The following KCNIP4 variants were observed in gnomAD, a reference collection of about 807,000 sequenced individuals.
The protein encoded by KCNIP4 is Kv channel-interacting protein 4.
A neutral mutation model predicts 34.0 loss-of-function variants in KCNIP4; 12 were observed. The ratio of observed to expected loss-of-function variants is 0.35; its 90% CI spans 0.23 to 0.57. The LOEUF is 0.57. Ranked by LOEUF, KCNIP4 falls within the 20% of genes least tolerant of loss-of-function variation. The pLI is 0.83. For synonymous variants in KCNIP4, 124 were observed against 102.2 expected (o/e 1.21, Z -1.29); for missense variants, 238 against 311.7 (o/e 0.76, Z 1.78).
At chr4:21,338,502 G>A (rs925060290) in intron 1 of KCNIP4, among the ~76,000 whole-genome samples, 4 of 151,672 alleles carry the variant, frequency 2.6e-5, no homozygotes, top group East Asian at 3.9e-4. Flanking sequence ...CGCTACTCAG[G>A]AGGCTGAGGC....
At chr4:21,740,706 C>T (rs946358384) in intron 1 of KCNIP4, among the ~76,000 whole-genome samples, 3 of 152,058 alleles carry the variant, frequency 2.0e-5, no homozygotes, top group Non-Finnish European at 2.9e-5. Context: ...AATTTTAATT[C>T]CACCATTTAT....
At chr4:21,398,491 C>A (rs1723199783) in intron 1 of KCNIP4, among the ~76,000 whole-genome samples, 1 of 152,254 alleles carries the variant, frequency 6.6e-6, no homozygotes, top group South Asian at 2.1e-4. Context: ...TCGTTTTGCT[C>A]TCCCATAAAT....
At chr4:20,908,008 T>C (rs1727948389) in intron 1 of KCNIP4, among the ~76,000 whole-genome samples, 1 of 152,136 alleles carries the variant, frequency 6.6e-6, no homozygotes, top group African/African-American at 2.4e-5. Flanking sequence ...ATTATTGTAA[T>C]GTCCCTGTGT....
At chr4:21,622,402 A>G (rs1745052179) in intron 1 of KCNIP4, among the ~76,000 whole-genome samples, 1 of 152,154 alleles carries the variant, frequency 6.6e-6, no homozygotes. Context: ...CACACCAATT[A>G]AAAAAGAAAT....
At chr4:20,849,772 A>T (rs1380426602) in intron 3 of KCNIP4, among the ~76,000 whole-genome samples, 1 of 152,214 alleles carries the variant, frequency 6.6e-6, no homozygotes, top group Non-Finnish European at 1.5e-5. Flanking sequence ...GCCTTTAAGG[A>T]TGAACTGTTT....
chr4:21,236,861 T>A lies in KCNIP4; in HGVS notation c.62-354152A>T, dbSNP rs78357943. Among the ~76,000 whole-genome samples the A allele has an allele frequency of 9.1e-3, 1,239 of 136,096 alleles. 93 individuals are homozygous for A. In the East Asian group the frequency reaches 0.19, roughly 21 times the overall value. 89.3% of individuals were successfully genotyped at this position (136,096 alleles called of 152,430 possible). A position where few individuals can be genotyped will look rare whatever the true frequency, so the allele number is the denominator to read the frequency against. On this transcript the variant is annotated intron_variant, in intron 1 of 8. Transcript: ENST00000382152. ...CACCTCTACTAAAAAAAAAAAAAAA[T>A]ACCAAAAAATTAGCAGGTGCCTGTA...
chr4:20,792,437 A>C (rs1417073754), intron 3 of KCNIP4, among the ~76,000 whole-genome samples: 1 of 152,154 alleles, frequency 6.6e-6, no homozygotes, highest in East Asian at 1.9e-4. Context: ...AACATATGTA[A>C]ACCCAACCAT....
At chr4:21,037,730 C>T (rs1165643611) in intron 1 of KCNIP4, among the ~76,000 whole-genome samples, 1 of 152,154 alleles carries the variant, frequency 6.6e-6, no homozygotes, top group East Asian at 1.9e-4. Context: ...GTAAATCAAT[C>T]AAATCATCCT....
At chr4:20,820,868 T>C (rs1380785523) in intron 3 of KCNIP4, among the ~76,000 whole-genome samples, 1 of 152,206 alleles carries the variant, frequency 6.6e-6, no homozygotes, top group Non-Finnish European at 1.5e-5. Flanking sequence ...ACAGGTTTAA[T>C]GCAGGACACT....
chr4:21,205,827 G>C (rs928431040), intron 1 of KCNIP4, among the ~76,000 whole-genome samples: 5 of 152,166 alleles, frequency 3.3e-5, no homozygotes, highest in African/African-American at 1.2e-4. Flanking sequence ...TCTGAGGGCA[G>C]CTTCTCAAAT....
At chr4:21,040,354 C>G (rs978065877) in intron 1 of KCNIP4, among the ~76,000 whole-genome samples, 1 of 152,110 alleles carries the variant, frequency 6.6e-6, no homozygotes, top group African/African-American at 2.4e-5. Flanking sequence ...ACTATTTACT[C>G]TGACATATTT....
intron 1 of KCNIP4, among the ~76,000 whole-genome samples, chr4:20,938,516 A>C (rs1037360953): frequency 1.3e-5 from 2 of 152,152 alleles, no homozygotes; most frequent in Non-Finnish European, 2.9e-5. Context: ...CAGAATATTT[A>C]AGAGCAGGTA....
At chr4:21,200,800 T>TA (rs201412406) in intron 1 of KCNIP4, among the ~76,000 whole-genome samples, 1 of 149,968 alleles carries the variant, frequency 6.7e-6, no homozygotes, top group East Asian at 1.9e-4. Flanking sequence ...ATAAAAAAAA[T>TA]AAAAATTTTT....
chr4:20,781,721 T>G (rs1756891905), intron 3 of KCNIP4, among the ~76,000 whole-genome samples: 1 of 152,144 alleles, frequency 6.6e-6, no homozygotes, highest in South Asian at 2.1e-4. Flanking sequence ...GGGAGTATAA[T>G]TCAAGATGAG....
At chr4:21,123,953 T>A (rs1401002645) in intron 1 of KCNIP4, among the ~76,000 whole-genome samples, 3 of 151,886 alleles carry the variant, frequency 2.0e-5, no homozygotes, top group African/African-American at 7.3e-5. Context: ...AAAATAAATG[T>A]CCGTTGCTTA....
intron 3 of KCNIP4, among the ~76,000 whole-genome samples, chr4:20,786,401 A>G (rs533894318): frequency 2.1e-4 from 32 of 152,170 alleles, no homozygotes; most frequent in Non-Finnish European, 4.6e-4. Flanking sequence ...GCAACACGCA[A>G]TTATACCCTT....
intron 2 of KCNIP4, among the ~76,000 whole-genome samples, chr4:20,875,475 T>C (rs1723921097): frequency 6.6e-6 from 1 of 152,212 alleles, no homozygotes. Flanking sequence ...ACATAGTAAG[T>C]TCTAAATGTT....
At chr4:21,283,851 A>C (rs370685969) in intron 1 of KCNIP4, among the ~76,000 whole-genome samples, 137 of 152,050 alleles carry the variant, frequency 9.0e-4, no homozygotes, top group African/African-American at 2.3e-3. Flanking sequence ...CACACACACA[A>C]AAAAAATAAA....
intron 1 of KCNIP4, among the ~76,000 whole-genome samples, chr4:21,744,838 C>A (rs1716665038): frequency 1.3e-5 from 2 of 152,178 alleles, no homozygotes; most frequent in African/African-American, 4.8e-5. Context: ...AAACAAAACA[C>A]GTTCCTCACA....
Sources: gnomAD v4.1 joint callset for allele counts (sites outside exome capture counted in the v4.1 genomes callset) on GRCh38, gnomAD v4.1.1 for gene constraint, MANE v1.5 for transcripts, NCBI Gene and HGNC (gene_info 2026-07-23, HGNC 2026-07-21) for gene names.